Variants in PPP1R12B observed in about 807,000 individuals in gnomAD.
PPP1R12B encodes the protein protein phosphatase 1 regulatory subunit 12B.
Under a neutral mutation model 126.1 loss-of-function variants are expected in PPP1R12B, and 76 were observed. The ratio of observed to expected loss-of-function variants is 0.60; its 90% confidence interval spans 0.50 to 0.73. The LOEUF (loss-of-function observed/expected upper bound fraction) is 0.73. Ranked by LOEUF, PPP1R12B falls within the 30% of genes least tolerant of loss-of-function variation. The pLI is 0.00. For synonymous variants in PPP1R12B, 356 were observed against 434.7 expected, an observed-to-expected ratio of 0.82 and a Z score of 2.25; for missense variants, 1,052 against 1,205.1, an observed-to-expected ratio of 0.87 and a Z score of 1.88.
intron 18 of PPP1R12B, among the ~76,000 whole-genome samples, chr1:202,524,013 A>G (rs1478901309): frequency 6.6e-6 from 1 of 152,088 alleles, no homozygotes; most frequent in Non-Finnish European, 1.5e-5. Context: ...GTGCCCGGCC[A>G]ATCTGACTTA....
chr1:202,389,208 T>C (rs1558164781), intron 1 of PPP1R12B, among the ~76,000 whole-genome samples: 2 of 152,172 alleles, frequency 1.3e-5, no homozygotes, highest in African/African-American at 4.8e-5. Flanking sequence ...GGGAGAAGAC[T>C]TCCTGAGTAA....
chr1:202,488,577 G>A lies in PPP1R12B; in HGVS notation c.1895G>A (p.Arg632Gln), dbSNP rs1179296686. 2 of 1,612,804 alleles carry A rather than the reference G, an allele frequency of 1.2e-6. No homozygotes were observed. The highest frequency in any genetic ancestry group is 1.3e-5 in the African/African-American group (1 of 74,874). Residue 632 changes from arginine to glutamine, a missense_variant, in exon 14 of 24, where the codon CGG becomes CAG. Arg to Gln is a conservative substitution (Grantham distance 43). Transcript: ENST00000608999. The stretch of plus-strand genomic sequence containing the variant: ...CGGGATGAGGAAGCAGAGTCTTTAC[G>A]GAAAGCACGCTCCAGACAAGCTCGG... ...PVRDEEAESL[R>Q]KARSRQARQT...
chr1:202,464,921 G>T (rs746311506), intron 13 of PPP1R12B, among the ~76,000 whole-genome samples: 2 of 152,130 alleles, frequency 1.3e-5, no homozygotes, highest in African/African-American at 4.8e-5. Flanking sequence ...GTTTAGGTAG[G>T]TATATTAAGA....
intron 1 of PPP1R12B, among the ~76,000 whole-genome samples, chr1:202,360,808 A>G (rs1332338338): frequency 6.6e-6 from 1 of 151,990 alleles, no homozygotes; most frequent in Non-Finnish European, 1.5e-5. Context: ...TGAGATTAGT[A>G]GTACCCTTCG....
intron 18 of PPP1R12B, among the ~76,000 whole-genome samples, chr1:202,504,458 C>T (rs1388372264): frequency 6.6e-6 from 1 of 152,124 alleles, no homozygotes; most frequent in East Asian, 1.9e-4. Flanking sequence ...AAAGTTGTTA[C>T]TGTATATTAA....
chr1:202,525,894 T>G (rs1042700902), intron 18 of PPP1R12B, among the ~76,000 whole-genome samples: 1 of 152,218 alleles, frequency 6.6e-6, no homozygotes, highest in Admixed American at 6.5e-5. Flanking sequence ...AGACGGGCTT[T>G]CGCCATGTTG....
intron 18 of PPP1R12B, among the ~76,000 whole-genome samples, chr1:202,546,813 G>A (rs1231580295): frequency 1.3e-5 from 2 of 152,164 alleles, no homozygotes; most frequent in Non-Finnish European, 2.9e-5. Context: ...AGCCATAAGA[G>A]TGGTAAGCTT....
intron 1 of PPP1R12B, among the ~76,000 whole-genome samples, chr1:202,384,243 T>C (rs1318506114): frequency 6.6e-6 from 1 of 152,216 alleles, no homozygotes; most frequent in Non-Finnish European, 1.5e-5. Flanking sequence ...CATAACAACT[T>C]GTACATCATT....
At chr1:202,397,951 GC>G (rs1215198345) in intron 1 of PPP1R12B, among the ~76,000 whole-genome samples, 6 of 152,028 alleles carry the variant, frequency 3.9e-5, no homozygotes, top group African/African-American at 1.5e-4. Context: ...TTGCCCTGTC[GC>G]CCAGGCTGGA....
At chr1:202,466,511 T>C (rs1419541547) in intron 13 of PPP1R12B, among the ~76,000 whole-genome samples, 1 of 152,080 alleles carries the variant, frequency 6.6e-6, no homozygotes, top group East Asian at 1.9e-4. Context: ...TTCCTTCTTT[T>C]CTCTCCTTAG....
rs1670087710 is a variant in PPP1R12B at position 202,430,743 on chromosome 1, A to G, written c.934A>G (p.Lys312Glu). The G allele has an allele frequency of 6.2e-7, 1 of 1,612,652 alleles. No individual in the cohort carries two copies. The highest frequency in any genetic ancestry group is 1.7e-5 in the Admixed American group (1 of 59,916). Residue 312 changes from lysine (K) to glutamate (E), a missense_variant, in exon 7 of 24, where the codon AAG (lysine) becomes GAG (glutamate). Lys to Glu is a moderately conservative substitution (Grantham distance 56). Coordinates refer to ENST00000608999, the MANE Select transcript of PPP1R12B (RefSeq NM_002481.4). ...TCTCCATTTCCAGCTTCGAAGTGAA[A>G]AGGAGACACGGAATAAACTCATTGA... ...QKKQNVLRSE[K>E]ETRNKLIESD...
rs1291317284 is a variant in PPP1R12B at position 202,565,473 on chromosome 1, G to T, written c.2757+926G>T. On this transcript the variant is annotated intron_variant, in intron 21 of 23. Transcript: ENST00000608999. This position sits in a 1 kb window ranked among gnomAD's most constrained non-coding sequence, Gnocchi z 4.3. ...TAGGGTTGTACAGTACCAAATACATGGAGTTTGGAGGGCAGGGGTGTTGAT... is the reference window on the plus strand; with the variant it reads ...TAGGGTTGTACAGTACCAAATACATTGAGTTTGGAGGGCAGGGGTGTTGAT... Among the ~76,000 whole-genome samples the T allele has an allele frequency of 6.6e-6, 1 of 152,184 alleles. No homozygotes were observed. The highest frequency in any genetic ancestry group is 1.5e-5 in the Non-Finnish European group (1 of 68,038).
intron 18 of PPP1R12B, 116 bp downstream of exon 18, chr1:202,496,938 A>G: frequency 9.6e-7 from 1 of 1,041,558 alleles, no homozygotes; most frequent in Non-Finnish European, 1.4e-6. Flanking sequence ...AGGAGTTTGG[A>G]GATAGACATT....
chr1:202,556,625 G>A (rs1289248049), intron 18 of PPP1R12B, among the ~76,000 whole-genome samples: 3 of 152,038 alleles, frequency 2.0e-5, no homozygotes, highest in African/African-American at 7.3e-5. Context: ...TTTCTTAGTT[G>A]GAGCCAATGG....
chr1:202,564,581 C>A (rs1490393627), intron 21 of PPP1R12B, 34 bp downstream of exon 21: 3 of 1,548,192 alleles, frequency 1.9e-6, no homozygotes, highest in South Asian at 1.1e-5. Flanking sequence ...AGATGAGAAC[C>A]AAGGGTTGAT....
At chr1:202,548,426 T>A (rs920083362) in intron 18 of PPP1R12B, among the ~76,000 whole-genome samples, 1 of 152,132 alleles carries the variant, frequency 6.6e-6, no homozygotes, top group African/African-American at 2.4e-5. Context: ...AGTAGCACCA[T>A]CATGGCTCAC....
rs372102092 is a variant in PPP1R12B, at chr1:202,355,170, G to T, written c.291+6028G>T. On this transcript the variant is annotated intron_variant, in intron 1 of 23. Coordinates refer to ENST00000608999, the MANE Select transcript of PPP1R12B (RefSeq NM_002481.4). ...TCCACCCGCCTCAGCCTCCCAAAGT[G>T]CTGGGATTATAGGCGTGAGCCACCA... Among the ~76,000 whole-genome samples the T allele has an allele frequency of 7.9e-5, 12 of 151,876 alleles. No individual in the cohort carries two copies. The South Asian group carries it at 1.2e-3, about 16-fold the overall frequency.
intron 4 of PPP1R12B, among the ~76,000 whole-genome samples, chr1:202,426,330 A>C (rs1355552128): frequency 2.0e-5 from 3 of 152,124 alleles, no homozygotes; most frequent in Non-Finnish European, 4.4e-5. Context: ...ATTTCACCTA[A>C]TGCAGGGTTT....
intron 18 of PPP1R12B, among the ~76,000 whole-genome samples, chr1:202,497,047 C>T (rs566931720): frequency 6.6e-6 from 1 of 152,304 alleles, no homozygotes; most frequent in Admixed American, 6.5e-5. Context: ...TTTTTCTGTG[C>T]CTACTGCCAG....
Sources: gnomAD v4.1 joint callset for allele counts (sites outside exome capture counted in the v4.1 genomes callset) on GRCh38, gnomAD v4.1.1 for gene constraint, Gnocchi (gnomAD v3.1) non-coding constraint, MANE v1.5 for transcripts, NCBI Gene and HGNC (gene_info 2026-07-23, HGNC 2026-07-21) for gene names.